Variants in ZFAT observed in about 807,000 individuals in gnomAD.
The protein encoded by ZFAT is zinc finger and AT-hook domain containing, also known as zinc finger protein ZFAT.
ZFAT carries 64 observed loss-of-function variants against 117.7 expected under a neutral mutation model. That is an observed-to-expected ratio of 0.54 (90% CI 0.44 to 0.67). The LOEUF (loss-of-function observed/expected upper bound fraction) is 0.67. Among genes scored for constraint, ZFAT ranks in the 30% least tolerant of loss-of-function variants. The probability of loss-of-function intolerance (pLI) is 0.00; values close to 1 mark genes in which losing one functional copy is unlikely to be tolerated. For missense variants in ZFAT, 1,433 were observed against 1,584.5 expected (o/e 0.90, Z 1.62); for synonymous variants, 679 against 615.0 (o/e 1.10, Z -1.54).
At chr8:134,555,985 A>AGGGAAGGC (rs1450278567) in intron 11 of ZFAT, among the ~76,000 whole-genome samples, 8 of 110,344 alleles carry the variant, frequency 7.3e-5, no homozygotes. Context: ...GGAGGGAAGG[A>AGGGAAGGC]GGGAAGGCGG....
At chr8:134,768,188 T>A in the ZFAT span, among the ~76,000 whole-genome samples, 1 of 152,242 alleles carries the variant, frequency 6.6e-6, no homozygotes, top group Admixed American at 6.5e-5. Context: ...GCTCGCTTCA[T>A]GCCTCTGTGT....
At chr8:134,792,266 A>G in the ZFAT span, 1 of 152,230 alleles carries the variant, frequency 6.6e-6, no homozygotes, top group Non-Finnish European at 1.5e-5. Context: ...ACCTTTCATA[A>G]GGAAAAATAC....
At chr8:134,678,499 G>A (rs1450309579) in intron 1 of ZFAT, among the ~76,000 whole-genome samples, 1 of 152,172 alleles carries the variant, frequency 6.6e-6, no homozygotes, top group South Asian at 2.1e-4. Context: ...TTGTGAAAAT[G>A]GCCATACTGC....
At chr8:134,822,728 T>C in the ZFAT span, among the ~76,000 whole-genome samples, 25 of 152,238 alleles carry the variant, frequency 1.6e-4, 1 homozygote, top group Admixed American at 1.6e-3. Flanking sequence ...CCCTTAAATT[T>C]TTCTTTGTGT....
chr8:134,732,321 G>A, the ZFAT span, among the ~76,000 whole-genome samples: 3 of 152,188 alleles, frequency 2.0e-5, no homozygotes, highest in South Asian at 4.1e-4. Flanking sequence ...AGTGGGATGA[G>A]GGGAGAGGGA....
chr8:134,823,872 G>A, the ZFAT span, among the ~76,000 whole-genome samples: 1 of 152,144 alleles, frequency 6.6e-6, no homozygotes, highest in Admixed American at 6.5e-5. Context: ...AAGTGCAAAT[G>A]GGTGCCTTTT....
At chr8:134,675,088 A>C (rs1323254452) in intron 1 of ZFAT, among the ~76,000 whole-genome samples, 1 of 152,246 alleles carries the variant, frequency 6.6e-6, no homozygotes, top group East Asian at 1.9e-4. Context: ...GAGGGGACAA[A>C]GCTGGACGGA....
intron 15 of ZFAT, among the ~76,000 whole-genome samples, chr8:134,507,423 G>A (rs958091773): frequency 2.6e-5 from 4 of 152,050 alleles, no homozygotes; most frequent in Admixed American, 2.6e-4. Flanking sequence ...GAGGTGCGGG[G>A]CCAGGCAGAC....
intron 12 of ZFAT, among the ~76,000 whole-genome samples, chr8:134,522,253 C>A (rs1820719090): frequency 6.6e-6 from 1 of 152,272 alleles, no homozygotes; most frequent in African/African-American, 2.4e-5. Flanking sequence ...CCTGTCCCTG[C>A]TACCCACAGT....
chr8:134,812,721 G>A, the ZFAT span, among the ~76,000 whole-genome samples: 13 of 152,128 alleles, frequency 8.5e-5, no homozygotes, highest in Admixed American at 8.5e-4. Flanking sequence ...GGGCAACAGA[G>A]CAAGACTCTG....
chr8:134,667,360 G>A (rs1832280341), intron 1 of ZFAT, among the ~76,000 whole-genome samples: 1 of 152,068 alleles, frequency 6.6e-6, no homozygotes, highest in Admixed American at 6.6e-5. Flanking sequence ...GGGCGTGGTG[G>A]CAGGCACCTG....
chr8:134,723,366 A>C, the ZFAT span: 2 of 152,286 alleles, frequency 1.3e-5, no homozygotes, highest in Admixed American at 6.5e-5. Context: ...GCATTTAATG[A>C]AGGGGCTCTT....
At chr8:134,593,581 G>T (rs1421714403) in intron 7 of ZFAT, among the ~76,000 whole-genome samples, 1 of 152,172 alleles carries the variant, frequency 6.6e-6, no homozygotes, top group Non-Finnish European at 1.5e-5. Flanking sequence ...AAGCAATCAG[G>T]ACCCTTTGAA....
At chr8:134,755,046 T>C in the ZFAT span, among the ~76,000 whole-genome samples, 145 of 152,262 alleles carry the variant, frequency 9.5e-4, no homozygotes, top group African/African-American at 3.4e-3. Flanking sequence ...TATTCCTTTT[T>C]TTCTGTTGGT....
intron 12 of ZFAT, among the ~76,000 whole-genome samples, chr8:134,527,355 C>T (rs1038625275): frequency 1.3e-5 from 2 of 152,192 alleles, no homozygotes; most frequent in Non-Finnish European, 2.9e-5. Flanking sequence ...TGTGTGGTGA[C>T]TTGTTACAGT....
intron 10 of ZFAT, among the ~76,000 whole-genome samples, chr8:134,566,291 G>T (rs1252212094): frequency 6.6e-6 from 1 of 150,552 alleles, no homozygotes; most frequent in African/African-American, 2.4e-5. Context: ...CTACTCGGGA[G>T]GCTGAGGCAG....
upstream of ZFAT, among the ~76,000 whole-genome samples, chr8:134,714,115 C>G (rs904881723): frequency 7.1e-6 from 1 of 141,312 alleles, no homozygotes; most frequent in Non-Finnish European, 1.5e-5. Flanking sequence ...ATGCCCCCCC[C>G]CCCCCAAAAA....
the ZFAT span, among the ~76,000 whole-genome samples, chr8:134,769,357 A>G: frequency 6.6e-6 from 1 of 152,216 alleles, no homozygotes; most frequent in Non-Finnish European, 1.5e-5. Context: ...CAGAAGGGCT[A>G]CAGGCCCCAT....
chr8:134,682,280 T>A (rs1240647220), intron 1 of ZFAT, among the ~76,000 whole-genome samples: 1 of 152,164 alleles, frequency 6.6e-6, no homozygotes, highest in Non-Finnish European at 1.5e-5. Flanking sequence ...CTAAAAAAGA[T>A]AAAAACGCTG....
Sources: gnomAD v4.1 joint callset for allele counts (sites outside exome capture counted in the v4.1 genomes callset) on GRCh38, gnomAD v4.1.1 for gene constraint, MANE v1.5 for transcripts, NCBI Gene and HGNC (gene_info 2026-07-23, HGNC 2026-07-21) for gene names.